Variants in MSRA observed in about 807,000 individuals in gnomAD.
MSRA encodes mitochondrial peptide methionine sulfoxide reductase.
A neutral mutation model predicts 31.3 loss-of-function variants in MSRA; 54 were observed. The observed-to-expected ratio is 1.73, with a 90% CI of 1.39 to 2.17. The LOEUF (loss-of-function observed/expected upper bound fraction) is 2.17. Ranked by LOEUF, MSRA falls within the 30% of genes most tolerant of loss-of-function variation. The probability of loss-of-function intolerance (pLI) is 0.00; values close to 1 mark genes in which losing one functional copy is unlikely to be tolerated. For missense variants in MSRA, 507 were observed against 300.9 expected (o/e 1.69, Z -5.07); for synonymous variants, 169 against 116.5 (o/e 1.45, Z -2.90).
intron 1 of MSRA, among the ~76,000 whole-genome samples, chr8:10,173,866 T>C (rs1041953950): frequency 1.3e-5 from 2 of 152,196 alleles, no homozygotes; most frequent in Non-Finnish European, 2.9e-5. Context: ...ATTTGTCTGC[T>C]GCATAAAGAC....
At chr8:10,141,366 A>T (rs1233192348) in intron 1 of MSRA, among the ~76,000 whole-genome samples, 1 of 152,190 alleles carries the variant, frequency 6.6e-6, no homozygotes, top group Admixed American at 6.5e-5. Flanking sequence ...CACACAACTG[A>T]TCAAGGATGA....
At chr8:10,250,167 C>G (rs1319808989) in intron 3 of MSRA, among the ~76,000 whole-genome samples, 1 of 152,174 alleles carries the variant, frequency 6.6e-6, no homozygotes, top group East Asian at 1.9e-4. Context: ...AACTGATTAA[C>G]TGGCATGCTG....
chr8:10,397,186 G>A (rs1303691923), intron 5 of MSRA, among the ~76,000 whole-genome samples: 2 of 152,118 alleles, frequency 1.3e-5, no homozygotes, highest in Admixed American at 1.3e-4. Flanking sequence ...ATATTTCCCT[G>A]GTCCTGTTTT....
At chr8:10,427,115 A>G (rs1237605969) in intron 5 of MSRA, among the ~76,000 whole-genome samples, 1 of 152,204 alleles carries the variant, frequency 6.6e-6, no homozygotes, top group Non-Finnish European at 1.5e-5. Flanking sequence ...TTCATCTCAC[A>G]TGGACCAGTG....
intron 1 of MSRA, among the ~76,000 whole-genome samples, chr8:10,092,181 T>C (rs367818015): frequency 6.6e-6 from 1 of 152,214 alleles, no homozygotes; most frequent in Non-Finnish European, 1.5e-5. Flanking sequence ...CTTCATTATT[T>C]AGGAGTGTTA....
chr8:10,060,261 A>G (rs547404974), intron 1 of MSRA, among the ~76,000 whole-genome samples: 225 of 152,328 alleles, frequency 1.5e-3, no homozygotes, highest in African/African-American at 5.1e-3. Context: ...CATTGTCACA[A>G]TGGATATGCA....
At chr8:10,383,480 G>A (rs1287111957) in intron 5 of MSRA, among the ~76,000 whole-genome samples, 7 of 152,078 alleles carry the variant, frequency 4.6e-5, no homozygotes, top group Admixed American at 2.0e-4. Flanking sequence ...TGGTTCCTGC[G>A]GCTTAAAAGG....
At chr8:10,056,059 A>T (rs1441369032) in intron 1 of MSRA, among the ~76,000 whole-genome samples, 1 of 152,070 alleles carries the variant, frequency 6.6e-6, no homozygotes, top group Non-Finnish European at 1.5e-5. Flanking sequence ...ATGCATCTTA[A>T]AATTTTTTCT....
intron 4 of MSRA, among the ~76,000 whole-genome samples, chr8:10,310,486 C>T (rs1801374393): frequency 6.6e-6 from 1 of 152,154 alleles, no homozygotes; most frequent in Admixed American, 6.5e-5. Context: ...TATAAAGCTT[C>T]TATTTAACAT....
At chr8:10,252,845 A>T (rs1797988237) in intron 3 of MSRA, among the ~76,000 whole-genome samples, 1 of 152,182 alleles carries the variant, frequency 6.6e-6, no homozygotes, top group Admixed American at 6.5e-5. Context: ...GCAATTTTTC[A>T]CCATCACATA....
chr8:10,363,328 G>T (rs916133108), intron 5 of MSRA, among the ~76,000 whole-genome samples: 2 of 152,174 alleles, frequency 1.3e-5, no homozygotes, highest in Non-Finnish European at 2.9e-5. Context: ...TAAAAGGAAT[G>T]GCTGGAAACA....
intron 1 of MSRA, among the ~76,000 whole-genome samples, chr8:10,113,292 C>T (rs71509164): frequency 0.67 from 38,924 of 57,750 alleles, 14,649 homozygotes; most frequent in Middle Eastern, 0.77. Context: ...GACAGGTCTT[C>T]TTTTTTTTTT....
At chr8:10,061,347 T>A (rs1400077400) in intron 1 of MSRA, among the ~76,000 whole-genome samples, 1 of 152,208 alleles carries the variant, frequency 6.6e-6, no homozygotes, top group Non-Finnish European at 1.5e-5. Context: ...TATCCTTATC[T>A]TCAAGGAAGC....
chr8:10,222,793 C>T (rs1384351765), intron 2 of MSRA, among the ~76,000 whole-genome samples: 1 of 152,188 alleles, frequency 6.6e-6, no homozygotes, highest in Non-Finnish European at 1.5e-5. Flanking sequence ...AAAAGTCGAA[C>T]TCATCAAAGC....
chr8:10,199,392 C>T (rs1268274755), intron 1 of MSRA, among the ~76,000 whole-genome samples: 1 of 152,006 alleles, frequency 6.6e-6, no homozygotes, highest in Non-Finnish European at 1.5e-5. Context: ...CGATCTTGGC[C>T]CACTGCAACC....
chr8:10,204,567 G>T (rs1175349284), intron 1 of MSRA, among the ~76,000 whole-genome samples: 1 of 152,220 alleles, frequency 6.6e-6, no homozygotes, highest in Admixed American at 6.5e-5. Flanking sequence ...AGGGGCAATA[G>T]ACTATACCAC....
chr8:10,163,184 C>A (rs542509960), intron 1 of MSRA, among the ~76,000 whole-genome samples: 1 of 152,138 alleles, frequency 6.6e-6, no homozygotes, highest in Non-Finnish European at 1.5e-5. Context: ...TCTTGGACTT[C>A]CAGCCTCAGA....
chr8:10,090,806 G>T (rs1031442703), intron 1 of MSRA, among the ~76,000 whole-genome samples: 1 of 152,112 alleles, frequency 6.6e-6, no homozygotes, highest in African/African-American at 2.4e-5. Flanking sequence ...TCTGTGTCTG[G>T]CTTTTTCATT....
intron 5 of MSRA, among the ~76,000 whole-genome samples, chr8:10,373,170 CGT>C (rs1805572154): frequency 6.6e-6 from 1 of 152,214 alleles, no homozygotes; most frequent in Non-Finnish European, 1.5e-5. Context: ...GGATTACAAG[CGT>C]GAGCCACCGC....
Sources: gnomAD v4.1 joint callset for allele counts (sites outside exome capture counted in the v4.1 genomes callset) on GRCh38, gnomAD v4.1.1 for gene constraint, MANE v1.5 for transcripts, NCBI Gene and HGNC (gene_info 2026-07-23, HGNC 2026-07-21) for gene names.